CNTNAP5: variants seen among roughly 807,000 people sequenced by gnomAD.
The protein encoded by CNTNAP5 is contactin associated protein family member 5, also known as contactin-associated protein-like 5.
In CNTNAP5, 72 loss-of-function variants were observed where a neutral mutation model predicts 150.2. The ratio of observed to expected loss-of-function variants is 0.48; its 90% confidence interval spans 0.40 to 0.58. The LOEUF is 0.58. CNTNAP5 is among the 20% of genes least tolerant of loss of function. The pLI, the probability that CNTNAP5 is intolerant of heterozygous loss-of-function variation, is 0.00. For synonymous variants in CNTNAP5, 672 were observed against 619.8 expected, an observed-to-expected ratio of 1.08 and a Z score of -1.25; for missense variants, 1,636 against 1,626.2, an observed-to-expected ratio of 1.01 and a Z score of -0.10.
chr2:124,214,660 C>G (rs549961230), intron 1 of CNTNAP5, among the ~76,000 whole-genome samples: 27 of 152,284 alleles, frequency 1.8e-4, no homozygotes, highest in African/African-American at 6.0e-4. Context: ...ACTCCTGGAT[C>G]CCAGACCAAT....
In CNTNAP5 at chr2:124,242,406, T is replaced by C. The variant is rs780303323; in HGVS notation, c.381+13T>C. 4.4e-6 allele frequency: 7 copies of C among 1,608,374 alleles called. No individual in the cohort carries two copies. On this transcript the variant is annotated intron_variant, in intron 3 of 23. Coordinates refer to ENST00000682447, the MANE Select transcript of CNTNAP5 (RefSeq NM_001367498.1). ...AGACAGCATCTGGGTAGGACATCTT[T>C]TTCCTTCCAATGAATAAAACTGAGA... is the stretch of plus-strand genomic sequence containing the variant.
rs144159664 is a variant in CNTNAP5 at position 124,841,002 on chromosome 2, G to A, written c.3218-24304G>A. Among the ~76,000 whole-genome samples, 11 of 152,126 alleles carry A rather than the reference G, an allele frequency of 7.2e-5. No individual in the cohort carries two copies. In the East Asian group the frequency reaches 1.6e-3, roughly 21 times the overall value. The stretch of plus-strand genomic sequence containing the variant: ...TACATTTTTTGAATGCATATTGAGT[G>A]GTGCACATGAGATGAGATGCTGAGG... On this transcript the variant is annotated intron_variant, in intron 19 of 23. Coordinates refer to ENST00000682447, the MANE Select transcript of CNTNAP5 (RefSeq NM_001367498.1).
intron 10 of CNTNAP5, among the ~76,000 whole-genome samples, chr2:124,550,649 C>A (rs745310677): frequency 1.3e-5 from 2 of 152,268 alleles, no homozygotes; most frequent in Non-Finnish European, 2.9e-5. Flanking sequence ...AACCAGATTT[C>A]TCTCCCATTA....
At chr2:124,224,738 T>A in intron 2 of CNTNAP5, among the ~76,000 whole-genome samples, 1 of 152,066 alleles carries the variant, frequency 6.6e-6, no homozygotes, top group East Asian at 1.9e-4. Context: ...TTGAAAGTCA[T>A]TATATTAATG....
chr2:124,392,020 C>G (rs908317707), intron 3 of CNTNAP5, among the ~76,000 whole-genome samples: 1 of 152,036 alleles, frequency 6.6e-6, no homozygotes, highest in Non-Finnish European at 1.5e-5. Context: ...GAAAATAAGG[C>G]AAGGAGTAAG....
intron 4 of CNTNAP5, among the ~76,000 whole-genome samples, chr2:124,430,770 G>A (rs946007312): frequency 1.3e-5 from 2 of 152,116 alleles, no homozygotes; most frequent in African/African-American, 2.4e-5. Context: ...ATGAGTGCAC[G>A]CCTACTCAGT....
rs551440222 is a variant in CNTNAP5 at position 124,738,673 on chromosome 2, G to A, written c.2078-8556G>A. Among the ~76,000 whole-genome samples the A allele has an allele frequency of 3.3e-5, 5 of 151,660 alleles. No individual in the cohort carries two copies. The South Asian group carries it at 6.3e-4, about 19-fold the overall frequency. ...TTGAACCTGGCAGGCAGAGGTTGCA[G>A]TGAGCCGAGATTATGCCACTGTACT... On this transcript the variant is annotated intron_variant, in intron 13 of 23. Transcript: ENST00000682447.
chr2:124,311,449 A>G (rs76981776), intron 3 of CNTNAP5, among the ~76,000 whole-genome samples: 1,894 of 152,228 alleles, frequency 0.012, 38 homozygotes, highest in African/African-American at 0.041. Context: ...AGAGGGAGAG[A>G]GGAGTGTGGG....
At chr2:124,039,241 G>C (rs950869941) in intron 1 of CNTNAP5, among the ~76,000 whole-genome samples, 3 of 152,164 alleles carry the variant, frequency 2.0e-5, no homozygotes, top group Non-Finnish European at 4.4e-5. Context: ...TGCATTCCAG[G>C]CATTCCCTTG....
chr2:124,571,541 T>C (rs10445860), intron 11 of CNTNAP5, among the ~76,000 whole-genome samples: 17 of 53,004 alleles, frequency 3.2e-4, no homozygotes, highest in African/African-American at 9.8e-4. Context: ...TTTTTTTTTT[T>C]TTTTTTTGAG....
intron 4 of CNTNAP5, among the ~76,000 whole-genome samples, chr2:124,423,462 C>G (rs192326486): frequency 6.6e-6 from 1 of 152,030 alleles, no homozygotes; most frequent in Non-Finnish European, 1.5e-5. Flanking sequence ...GAAGTTCTGT[C>G]TGGGGGCTTC....
intron 7 of CNTNAP5, among the ~76,000 whole-genome samples, chr2:124,482,767 T>A (rs1357932993): frequency 6.6e-6 from 1 of 152,174 alleles, no homozygotes; most frequent in Non-Finnish European, 1.5e-5. Flanking sequence ...TCTCTGCATC[T>A]GGCTGGCAGG....
intron 1 of CNTNAP5, among the ~76,000 whole-genome samples, chr2:124,088,858 A>G (rs569515700): frequency 1.1e-4 from 16 of 152,190 alleles, no homozygotes; most frequent in South Asian, 2.1e-4. Flanking sequence ...ATGGACGTGG[A>G]AGTGCAGGTT....
intron 1 of CNTNAP5, among the ~76,000 whole-genome samples, chr2:124,086,222 A>G (rs1251226737): frequency 9.2e-6 from 1 of 108,852 alleles, no homozygotes; most frequent in Non-Finnish European, 1.7e-5. Flanking sequence ...TTTGAAACCG[A>G]GTCTTGCTCT....
At chr2:124,065,065 C>T (rs751251010) in intron 1 of CNTNAP5, among the ~76,000 whole-genome samples, 1 of 152,100 alleles carries the variant, frequency 6.6e-6, no homozygotes, top group Admixed American at 6.6e-5. Context: ...CCCCCAGTAC[C>T]TCTCTATAGT....
chr2:124,459,899 A>G (rs1419878432), intron 6 of CNTNAP5, among the ~76,000 whole-genome samples: 2 of 152,056 alleles, frequency 1.3e-5, no homozygotes, highest in African/African-American at 4.8e-5. Context: ...TTCTTTGCTT[A>G]GCTGTTTGTG....
intron 1 of CNTNAP5, among the ~76,000 whole-genome samples, chr2:124,162,252 A>G (rs1026412906): frequency 3.9e-5 from 6 of 152,242 alleles, no homozygotes; most frequent in African/African-American, 1.2e-4. Flanking sequence ...TGAATGAAGT[A>G]TAGGACACTG....
At chr2:124,243,867 T>A (rs527649126) in intron 3 of CNTNAP5, among the ~76,000 whole-genome samples, 1 of 152,284 alleles carries the variant, frequency 6.6e-6, no homozygotes, top group South Asian at 2.1e-4. Context: ...TTTTTCTCAA[T>A]TTTGAGGTCC....
At position 124,912,068 on chromosome 2, in the gene CNTNAP5, C is replaced by T. The variant is rs1473499592; in HGVS notation, c.3727+530C>T. ...TGTCTGCTCTGCTGTGAGCTCAGCT[C>T]TCCTGCTTTTCCATTTTCTCATTGC... On this transcript the variant is annotated intron_variant, in intron 23 of 23. Coordinates refer to ENST00000682447, the MANE Select transcript of CNTNAP5 (RefSeq NM_001367498.1). 3.3e-5 allele frequency among the ~76,000 whole-genome samples: 5 copies of T among 152,178 alleles called. 1 individual carries two copies. The highest frequency in any genetic ancestry group is 2.6e-4 in the Admixed American group (4 of 15,278).
Sources: gnomAD v4.1 joint callset for allele counts (sites outside exome capture counted in the v4.1 genomes callset) on GRCh38, gnomAD v4.1.1 for gene constraint, MANE v1.5 for transcripts, NCBI Gene and HGNC (gene_info 2026-07-23, HGNC 2026-07-21) for gene names.